KIAA2012: variants seen among roughly 807,000 people sequenced by gnomAD.
KIAA2012 encodes the protein uncharacterized protein KIAA2012.
A neutral mutation model predicts 150.6 loss-of-function variants in KIAA2012; 125 were observed. The observed-to-expected ratio is 0.83, with a 90% CI of 0.72 to 0.96. The LOEUF (loss-of-function observed/expected upper bound fraction) is 0.96. Ranked by LOEUF, KIAA2012 falls within the 40% of genes least tolerant of loss-of-function variation. The probability of loss-of-function intolerance (pLI) is 0.00; values close to 1 mark genes in which losing one functional copy is unlikely to be tolerated. For synonymous variants in KIAA2012, 462 were observed against 504.7 expected, an observed-to-expected ratio of 0.92 and a Z score of 1.13; for missense variants, 1,219 against 1,354.9, an observed-to-expected ratio of 0.90 and a Z score of 1.57.
At chr2:202,073,754 G>A in intron 1 of KIAA2012, 43 bp downstream of exon 1, 2 of 1,510,340 alleles carry the variant, frequency 1.3e-6, no homozygotes, top group African/African-American at 2.8e-5. Flanking sequence ...GGAGGTGGGA[G>A]AGGAATGCTC....
chr2:202,189,201 A>C (rs1420050951), intron 18 of KIAA2012, among the ~76,000 whole-genome samples: 1 of 152,048 alleles, frequency 6.6e-6, no homozygotes, highest in Non-Finnish European at 1.5e-5. Context: ...CTGCAACCTC[A>C]AGCCAGACTC....
chr2:202,156,401 A>G (rs960878960), intron 14 of KIAA2012, among the ~76,000 whole-genome samples: 1 of 152,156 alleles, frequency 6.6e-6, no homozygotes, highest in African/African-American at 2.4e-5. Context: ...AGGAAATATC[A>G]TCACAGTCAC....
At chr2:202,190,546 C>A (rs148073311) in intron 19 of KIAA2012, 53 bp downstream of exon 19, 1 of 1,349,996 alleles carries the variant, frequency 7.4e-7, no homozygotes, top group Non-Finnish European at 9.9e-7. Flanking sequence ...TCACTTGGCG[C>A]GACTGCAAAG....
intron 17 of KIAA2012, among the ~76,000 whole-genome samples, chr2:202,187,638 G>C (rs1172589237): frequency 6.6e-6 from 1 of 152,164 alleles, no homozygotes. Flanking sequence ...GTACTGAGTG[G>C]GTAGTCATGA....
Position 202,103,054 on chromosome 2 carries a change from T to A in KIAA2012, c.1264T>A (p.Leu422Ile). 1 of 1,550,550 alleles carries A rather than the reference T, an allele frequency of 6.4e-7. No individual in the cohort carries two copies. Among genetic ancestry groups the A allele is most frequent in the Non-Finnish European group, 8.7e-7 (1 of 1,146,980 alleles). ...TGAGCCCCCAACAGAGCTCTTCATC[T>A]TACCGGTGGAGATTCATTACCACAC... ...ANEPPTELFI[L>I]PVEIHYHTKQ... Residue 422 changes from leucine to isoleucine, a missense_variant, in exon 8 of 24, where the codon TTA becomes ATA. Transcript: ENST00000498697.
chr2:202,116,116 T>C (rs979733032), intron 11 of KIAA2012: 1 of 152,234 alleles, frequency 6.6e-6, no homozygotes, highest in Admixed American at 6.5e-5. Context: ...GTGCCAGCAA[T>C]AGAAGTTTTC....
rs369481419 is a variant in KIAA2012, at chr2:202,176,715, A to G, written c.2120-8038A>G. 2.6e-5 allele frequency among the ~76,000 whole-genome samples: 4 copies of G among 152,352 alleles called. No homozygotes were observed. The South Asian group carries it at 8.3e-4, about 32-fold the overall frequency. On this transcript the variant is annotated intron_variant, in intron 15 of 23. Transcript: ENST00000498697. ...ATGATGTGAACAGGCAACTAACAGA[A>G]GAAGAAACACAAATAAATGGCCATA...
At chr2:202,172,737 C>T (rs1471847929) in intron 15 of KIAA2012, among the ~76,000 whole-genome samples, 1 of 152,300 alleles carries the variant, frequency 6.6e-6, no homozygotes, top group Non-Finnish European at 1.5e-5. Flanking sequence ...TGGAAAAGTT[C>T]CTCCTAACAC....
intron 13 of KIAA2012, among the ~76,000 whole-genome samples, chr2:202,140,349 G>C (rs1052373504): frequency 6.6e-6 from 1 of 152,144 alleles, no homozygotes; most frequent in Non-Finnish European, 1.5e-5. Context: ...GGTTCCCCCC[G>C]TGAGGCTGTG....
intron 12 of KIAA2012, 125 bp downstream of exon 12, chr2:202,125,407 GA>G: frequency 1.4e-6 from 1 of 732,542 alleles, no homozygotes; most frequent in Non-Finnish European, 2.3e-6. Flanking sequence ...AAGTAGCAGA[GA>G]GGATTTGCTT....
At chr2:202,199,541 TAGAG>T (rs1285364525) in intron 22 of KIAA2012, among the ~76,000 whole-genome samples, 2 of 152,178 alleles carry the variant, frequency 1.3e-5, no homozygotes, top group African/African-American at 2.4e-5. Context: ...CACTACAGTG[TAGAG>T]AGAGACATAC....
intron 15 of KIAA2012, among the ~76,000 whole-genome samples, chr2:202,172,036 G>T (rs1427726764): frequency 3.3e-5 from 5 of 152,102 alleles, no homozygotes; most frequent in Non-Finnish European, 7.4e-5. Flanking sequence ...TAGTAGAGAC[G>T]GGTTTTCGCC....
At chr2:202,087,510 C>CAAAA (rs59728832) in intron 2 of KIAA2012, among the ~76,000 whole-genome samples, 7,544 of 52,538 alleles carry the variant, frequency 0.14, 835 homozygotes, top group Non-Finnish European at 0.17. Flanking sequence ...GAAACCATCT[C>CAAAA]AAAAAAAAAA....
At chr2:202,077,403 A>G (rs1689349360) in intron 2 of KIAA2012, among the ~76,000 whole-genome samples, 2 of 152,214 alleles carry the variant, frequency 1.3e-5, no homozygotes, top group South Asian at 2.1e-4. Context: ...TATAAAGTAG[A>G]TAAGTCAGTT....
intron 11 of KIAA2012, among the ~76,000 whole-genome samples, chr2:202,121,022 A>T (rs538698908): frequency 1.3e-5 from 2 of 152,290 alleles, no homozygotes; most frequent in African/African-American, 4.8e-5. Context: ...GACCAATGGG[A>T]TGTGAGTGGA....
In KIAA2012 at chr2:202,186,976, G is replaced by A; in HGVS notation, c.2254G>A (p.Gly752Arg). 6.4e-7 allele frequency: 1 copy of A among 1,550,554 alleles called. No individual in the cohort carries two copies. Among genetic ancestry groups the A allele is most frequent in the Non-Finnish European group, 8.7e-7 (1 of 1,147,006 alleles). The change falls in exon 17 of 24, where the codon GGA becomes AGA. Residue 752 changes from glycine (G) to arginine (R), a missense_variant. By Grantham distance (125) the Gly-to-Arg change is moderately radical. Coordinates refer to ENST00000498697, the MANE Select transcript of KIAA2012 (RefSeq NM_001277372.4). ...DVHHLHRGLL[G>R]YGPESPERLS... ...ACACCACCTACACAGAGGACTTCTG[G>A]GATACGGGCCTGAGTCACCCGAGAG...
In KIAA2012 at chr2:202,201,781, T is replaced by C. The variant is rs563522744; in HGVS notation, c.3408-648T>C. 3.1e-5 allele frequency: 40 copies of C among 1,306,226 alleles called. No individual in the cohort carries two copies. The Admixed American group carries it at 6.5e-4, about 21-fold the overall frequency. The allele number at this position is 1,306,226 out of a possible 1,614,324, so 80.9% of individuals were successfully genotyped here. On this transcript the variant is annotated intron_variant, in intron 22 of 23. Transcript: ENST00000498697. ...TCTGAGTAGGCAGTCGGAGCATCAG[T>C]ATAGGGTAGAGCCTGAGAAAGATGC...
chr2:202,196,055 T>C (rs1038001560), intron 21 of KIAA2012, among the ~76,000 whole-genome samples: 5 of 152,108 alleles, frequency 3.3e-5, no homozygotes, highest in African/African-American at 1.2e-4. Context: ...AGTAGTGGGA[T>C]TGCTGGGTCC....
intron 15 of KIAA2012, among the ~76,000 whole-genome samples, chr2:202,165,898 G>A (rs1691748683): frequency 6.6e-6 from 1 of 152,112 alleles, no homozygotes; most frequent in Non-Finnish European, 1.5e-5. Context: ...AATATATCAT[G>A]GTAGCCTGAT....
Sources: allele counts gnomAD v4.1 joint callset (sites outside exome capture counted in the v4.1 genomes callset), GRCh38; gene constraint gnomAD v4.1.1; transcripts MANE v1.5; gene names NCBI Gene and HGNC (gene_info 2026-07-23, HGNC 2026-07-21).